HELLS: variants seen among roughly 807,000 people sequenced by gnomAD.
HELLS encodes helicase, lymphoid specific.
Under a neutral mutation model 120.0 loss-of-function variants are expected in HELLS, and 32 were observed. The observed-to-expected ratio is 0.27, with a 90% CI of 0.20 to 0.36. The LOEUF is 0.36. HELLS is among the 10% of genes least tolerant of loss of function. The probability of loss-of-function intolerance (pLI) is 1.00; values close to 1 mark genes in which losing one functional copy is unlikely to be tolerated. For synonymous variants in HELLS, 341 were observed against 323.4 expected (o/e 1.05, Z -0.58); for missense variants, 650 against 993.4 (o/e 0.65, Z 4.65).
chr10:94,548,474 T>C (rs963952413), intron 2 of HELLS, among the ~76,000 whole-genome samples: 1 of 152,120 alleles, frequency 6.6e-6, no homozygotes, highest in Non-Finnish European at 1.5e-5. Context: ...ATGACAACAG[T>C]ACATTTTCAG....
chr10:94,606,369 T>C (rs1189129827), downstream of HELLS, among the ~76,000 whole-genome samples: 1 of 152,094 alleles, frequency 6.6e-6, no homozygotes, highest in East Asian at 1.9e-4. Flanking sequence ...GAATGAGACA[T>C]GGTCTTGCTG....
At chr10:94,609,905 C>G (rs1426560646) in exon 10 of HELLS, 1 of 152,154 alleles carries the variant, frequency 6.6e-6, no homozygotes, top group East Asian at 1.9e-4. Context: ...CAGCACAAGA[C>G]AGGTTTAATC....
At chr10:94,593,438 C>T in intron 17 of HELLS, 61 bp from the exon 18 acceptor site, 2 of 1,015,070 alleles carry the variant, frequency 2.0e-6, no homozygotes, top group Admixed American at 1.8e-5. Flanking sequence ...ACATTTTTCT[C>T]CTTCAGTCTT....
intron 13 of HELLS, among the ~76,000 whole-genome samples, chr10:94,589,977 G>A (rs1002233389): frequency 2.0e-5 from 3 of 151,992 alleles, no homozygotes; most frequent in East Asian, 3.9e-4. Context: ...GTGAGCCACC[G>A]TACCCGGCCT....
At chr10:94,593,702 G>T (rs1198187808) in intron 18 of HELLS, 87 bp downstream of exon 18, 8 of 787,420 alleles carry the variant, frequency 1.0e-5, no homozygotes, top group African/African-American at 3.5e-5. Flanking sequence ...TCACTCTGTT[G>T]CCCAGGCTGG....
At position 94,574,022 on chromosome 10, in the gene HELLS, T is replaced by C; in HGVS notation, c.540T>C (p.Asn180=). 1 of 1,608,380 alleles carries C rather than the reference T, an allele frequency of 6.2e-7. No homozygotes were observed. Among genetic ancestry groups the C allele is most frequent in the South Asian group, 1.1e-5 (1 of 90,970 alleles). ...ATCTTCAGAAAAATAAAGATTCGAA[T>C]AGTATAATTAAAGATAGATTGTCTG... ...VEDLQKNKDS[N]SIIKDRLSET... Residue 180 remains asparagine (N), a synonymous_variant, in exon 8 of 22, where the codon AAT becomes AAC. Coordinates refer to ENST00000348459, the MANE Select transcript of HELLS (RefSeq NM_018063.5).
intron 11 of HELLS, 132 bp downstream of exon 11, chr10:94,581,654 A>C (rs545344878): frequency 2.4e-5 from 13 of 541,486 alleles, no homozygotes. Flanking sequence ...TGTATGTTCT[A>C]CTCCTGCCAC....
At chr10:94,555,448 A>C (rs1364146812) in intron 3 of HELLS, among the ~76,000 whole-genome samples, 5 of 152,112 alleles carry the variant, frequency 3.3e-5, no homozygotes, top group Admixed American at 6.5e-5. Flanking sequence ...AAAATAAATA[A>C]ATAAAAAAAA....
chr10:94,551,770 C>T lies in HELLS; in HGVS notation c.154-2356C>T, dbSNP rs193175541. On this transcript the variant is annotated intron_variant, in intron 2 of 21. Coordinates refer to ENST00000348459, the MANE Select transcript of HELLS (RefSeq NM_018063.5). ...CTTTTTTTTTTTTGAGATGGAGTCT[C>T]GCTCTGTTGCCCAGGCTGAAGTGCA... Among the ~76,000 whole-genome samples, 480 of 150,276 alleles carry T rather than the reference C, an allele frequency of 3.2e-3. 2 individuals carry two copies. The highest frequency in any genetic ancestry group is 0.011 in the African/African-American group (462 of 40,914).
chr10:94,562,664 T>C lies in HELLS; in HGVS notation c.334-27T>C, dbSNP rs1295120804. On this transcript the variant is annotated intron_variant, in intron 4 of 21. Transcript: ENST00000348459. ...AATACTATGAAGGTCCTTAATAAAA[T>C]CAATATTCTGAATCCTTGTTTTGTA... 7 of 1,515,038 alleles carry C rather than the reference T, an allele frequency of 4.6e-6. No homozygotes were observed. The Admixed American group carries it at 1.3e-4, about 29-fold the overall frequency. 93.8% of individuals were successfully genotyped at this position (1,515,038 alleles called of 1,614,324 possible). A position where few individuals can be genotyped will look rare whatever the true frequency, so the allele number is the denominator to read the frequency against.
intron 2 of HELLS, among the ~76,000 whole-genome samples, chr10:94,551,833 G>A (rs919000938): frequency 5.3e-5 from 8 of 151,406 alleles, no homozygotes; most frequent in South Asian, 4.2e-4. Flanking sequence ...TCTGCCTTCC[G>A]GGTTCACGCC....
intron 15 of HELLS, among the ~76,000 whole-genome samples, chr10:94,591,176 A>C (rs1429793891): frequency 6.6e-6 from 1 of 152,128 alleles, no homozygotes; most frequent in Non-Finnish European, 1.5e-5. Flanking sequence ...TATGTGAACA[A>C]CTAAGAATTC....
chr10:94,611,066 G>A (rs1487259466), exon 10 of HELLS: 2 of 152,142 alleles, frequency 1.3e-5, no homozygotes, highest in Admixed American at 6.5e-5. Context: ...GAGATAAAGC[G>A]ACTGGCACAA....
chr10:94,545,833 G>A lies in HELLS; in HGVS notation c.-89G>A. 1.4e-6 allele frequency: 2 copies of A among 1,433,890 alleles called. No individual in the cohort carries two copies. Among genetic ancestry groups the A allele is most frequent in the South Asian group, 1.2e-5 (1 of 81,576 alleles). The allele number at this position is 1,433,890 out of a possible 1,614,324, so 88.8% of individuals were successfully genotyped here. A position where few individuals can be genotyped will look rare whatever the true frequency, so the allele number is the denominator to read the frequency against. On this transcript the variant is annotated 5_prime_UTR_variant, in exon 1 of 22. Transcript: ENST00000348459. ...TCCCTGGCGGGGGATTTGGCTAGAA[G>A]GCTGGGCCGGCAGCGGTTGTGAGGA...
At chr10:94,604,679 T>C (rs115583228), downstream of HELLS, among the ~76,000 whole-genome samples, 469 of 152,316 alleles carry the variant, frequency 3.1e-3, 3 homozygotes, top group African/African-American at 0.011. Context: ...AGTGTAGTTA[T>C]ATAACTTTTG....
chr10:94,562,115 A>T (rs1265386982), intron 4 of HELLS, among the ~76,000 whole-genome samples: 1 of 150,140 alleles, frequency 6.7e-6, no homozygotes, highest in Admixed American at 6.6e-5. Context: ...AAAAATGCCA[A>T]CTATGGGCTG....
At chr10:94,603,455 G>T (rs1846089229), downstream of HELLS, among the ~76,000 whole-genome samples, 1 of 152,080 alleles carries the variant, frequency 6.6e-6, no homozygotes, top group South Asian at 2.1e-4. Flanking sequence ...TCTTTTCTCA[G>T]TTTCCTTTGC....
chr10:94,600,409 A>C (rs1035518925), intron 21 of HELLS, among the ~76,000 whole-genome samples: 5 of 152,248 alleles, frequency 3.3e-5, no homozygotes, highest in Admixed American at 6.5e-5. Context: ...AAGATATTCT[A>C]TACCAGGTAT....
chr10:94,608,143 C>A (rs1846147977), intron 9 of HELLS: 1 of 159,926 alleles, frequency 6.3e-6, no homozygotes, highest in Admixed American at 6.4e-5. Context: ...TTCTGAATTT[C>A]TATTTAAATT....
Sources: gnomAD v4.1 joint callset for allele counts (sites outside exome capture counted in the v4.1 genomes callset) on GRCh38, gnomAD v4.1.1 for gene constraint, MANE v1.5 for transcripts, NCBI Gene and HGNC (gene_info 2026-07-23, HGNC 2026-07-21) for gene names.